COG2: variants seen among roughly 807,000 people sequenced by gnomAD.
The protein encoded by COG2 is component of oligomeric golgi complex 2.
A neutral mutation model predicts 90.6 loss-of-function variants in COG2; 52 were observed. That is an observed-to-expected ratio of 0.57 (90% CI 0.46 to 0.72). The LOEUF (loss-of-function observed/expected upper bound fraction) is 0.72. Ranked by LOEUF, COG2 falls within the 30% of genes least tolerant of loss-of-function variation. The probability of loss-of-function intolerance (pLI) is 0.00; values close to 1 mark genes in which losing one functional copy is unlikely to be tolerated. For missense variants in COG2, 829 were observed against 891.2 expected (o/e 0.93, Z 0.89); for synonymous variants, 337 against 320.4 (o/e 1.05, Z -0.55).
At chr1:230,678,547 T>C (rs1662654910) in intron 9 of COG2, 3 of 1,170,700 alleles carry the variant, frequency 2.6e-6, no homozygotes, top group Admixed American at 8.1e-5. Context: ...TTTCTCCTTC[T>C]TTCTCCTTTG....
At chr1:230,666,528 G>A (rs1385138766) in intron 5 of COG2, among the ~76,000 whole-genome samples, 1 of 152,066 alleles carries the variant, frequency 6.6e-6, no homozygotes, top group Non-Finnish European at 1.5e-5. Context: ...CTATGTGATT[G>A]GGAAACAATG....
Position 230,642,630 on chromosome 1 carries a change from G to T in COG2, c.24G>T (p.Leu8=). 1.2e-6 allele frequency: 2 copies of T among 1,613,214 alleles called. No homozygotes were observed. Among genetic ancestry groups the T allele is most frequent in the Non-Finnish European group, 8.5e-7 (1 of 1,179,632 alleles). The change falls in exon 1 of 18, where the codon CTG becomes CTT. Residue 8 remains leucine, a synonymous_variant. Coordinates refer to ENST00000366669, the MANE Select transcript of COG2 (RefSeq NM_007357.3). ...GGATGGAGAAAAGTAGGATGAACCT[G>T]CCCAAGGGGCCGGACACGCTCTGCT... MEKSRMN[L]PKGPDTLCFD...
At position 230,693,487 on chromosome 1, in the gene COG2, CCGTCTGTAGCAAA is replaced by C; in HGVS notation, c.*95_*107del. 1.4e-6 allele frequency: 1 copy of C among 725,058 alleles called. No individual in the cohort carries two copies. The allele number at this position is 725,058 out of a possible 1,614,324, so 44.9% of individuals were successfully genotyped here. On this transcript the variant is annotated 3_prime_UTR_variant, in exon 18 of 18. Transcript: ENST00000366669. ...GAAAGTGACTCTGTTCTCTTAGCAA[CCGTCTGTAGCAAA>C]GAAGTGCTTCCAGCATCACTCCAGC...
intron 9 of COG2, chr1:230,678,374 A>T (rs1337573808): frequency 2.0e-6 from 2 of 985,402 alleles, no homozygotes. Flanking sequence ...AAATAAGACA[A>T]TTCTAATCAC....
At chr1:230,690,488 C>A (rs1165628393) in intron 16 of COG2, among the ~76,000 whole-genome samples, 8 of 152,206 alleles carry the variant, frequency 5.3e-5, no homozygotes, top group Admixed American at 2.0e-4. Flanking sequence ...GTTACTCAGA[C>A]CCTGTCAGTC....
At chr1:230,666,362 C>T (rs1662323364) in intron 5 of COG2, among the ~76,000 whole-genome samples, 1 of 152,158 alleles carries the variant, frequency 6.6e-6, no homozygotes, top group Non-Finnish European at 1.5e-5. Context: ...CTCTGCTGCT[C>T]TAGTGTCTCT....
chr1:230,671,404 GGTGA>G, intron 7 of COG2, 108 bp from the exon 8 acceptor site: 1 of 837,494 alleles, frequency 1.2e-6, no homozygotes, highest in East Asian at 2.8e-5. Context: ...CAGGGAGGAG[GGTGA>G]GTGTGAGGAA....
chr1:230,644,290 T>G (rs888115207), intron 1 of COG2, among the ~76,000 whole-genome samples: 4 of 152,226 alleles, frequency 2.6e-5, no homozygotes, highest in African/African-American at 7.2e-5. Context: ...ATAGAACAGC[T>G]GTTCTGTGTA....
At position 230,685,155 on chromosome 1, in the gene COG2, G is replaced by A. The variant is rs1370758959; in HGVS notation, c.1299G>A (p.Glu433=). ...GCCTTAGGAGGTGTTGGTCAGATGA[G>A]ATGTTCTTGCCATTACTGGTGCATC... ...WSSLRRCWSD[E]MFLPLLVHRL... is the part of the protein sequence containing the mutation. Residue 433 remains glutamate, a synonymous_variant, in exon 12 of 18, where the codon GAG becomes GAA. Transcript: ENST00000366669. 3 of 1,614,176 alleles carry A rather than the reference G, an allele frequency of 1.9e-6. No individual in the cohort carries two copies. Among genetic ancestry groups the A allele is most frequent in the Non-Finnish European group, 1.7e-6 (2 of 1,180,028 alleles).
intron 4 of COG2, among the ~76,000 whole-genome samples, chr1:230,664,028 A>G (rs1162124495): frequency 1.3e-5 from 2 of 152,068 alleles, no homozygotes; most frequent in East Asian, 3.9e-4. Flanking sequence ...CTTTACAAAT[A>G]ATACAAAAAA....
chr1:230,688,110 A>G lies in COG2; in HGVS notation c.1618A>G (p.Met540Val), dbSNP rs1662927298. ...GGAAATAATCAAGCCAAAACTTGAAATGATTGGCTTTAAGAATTTTTCTTC... is the reference window on the plus strand; with the variant it reads ...GGAAATAATCAAGCCAAAACTTGAAGTGATTGGCTTTAAGAATTTTTCTTC... ...LLEIIKPKLE[M>V]IGFKNFSSIS... Residue 540 changes from methionine to valine, a missense_variant, in exon 14 of 18, where the codon ATG (methionine) becomes GTG (valine). Met to Val is a conservative substitution (Grantham distance 21). Coordinates refer to ENST00000366669, the MANE Select transcript of COG2 (RefSeq NM_007357.3). 1 of 1,601,770 alleles carries G rather than the reference A, an allele frequency of 6.2e-7. No individual in the cohort carries two copies. Among genetic ancestry groups the G allele is most frequent in the African/African-American group, 1.3e-5 (1 of 74,378 alleles).
chr1:230,681,557 A>G (rs1248449781), intron 10 of COG2: 1 of 152,184 alleles, frequency 6.6e-6, no homozygotes, highest in Non-Finnish European at 1.5e-5. Flanking sequence ...ATTATTGTAG[A>G]CCTGTGATGT....
chr1:230,670,228 A>G (rs748866318), intron 7 of COG2: 4 of 152,220 alleles, frequency 2.6e-5, no homozygotes, highest in Non-Finnish European at 5.9e-5. Flanking sequence ...TGTGCCATAT[A>G]AAGTTGCTGA....
At chr1:230,646,569 AG>A (rs1458897896) in intron 1 of COG2, among the ~76,000 whole-genome samples, 3 of 152,086 alleles carry the variant, frequency 2.0e-5, no homozygotes, top group African/African-American at 7.2e-5. Flanking sequence ...GACAGGTGAA[AG>A]GTTCATACTT....
chr1:230,663,250 G>T, intron 4 of COG2, 29 bp downstream of exon 4: 1 of 1,568,684 alleles, frequency 6.4e-7, no homozygotes, highest in Non-Finnish European at 8.7e-7. Context: ...ATATTAAATC[G>T]TTGATTCACT....
intron 8 of COG2, among the ~76,000 whole-genome samples, chr1:230,674,629 A>T (rs16852201): frequency 0.042 from 6,367 of 152,304 alleles, 251 homozygotes; most frequent in East Asian, 0.16. Context: ...GTGTTCAGTA[A>T]TGTGAAGGTT....
rs1662005362 is a variant in COG2, at chr1:230,654,613, CTT to C, written c.73-4847_73-4846del. ...CTATGCGAGCTCTTCTTTGAGAAGACTTTTTCCAATTCTGTGAAAAAAGTCAA... is the reference window on the plus strand; with the variant it reads ...CTATGCGAGCTCTTCTTTGAGAAGACTTTCCAATTCTGTGAAAAAAGTCAA... On this transcript the variant is annotated intron_variant, in intron 1 of 17. Transcript: ENST00000366669. Among the ~76,000 whole-genome samples, 11 of 149,426 alleles carry C rather than the reference CTT, an allele frequency of 7.4e-5. No individual in the cohort carries two copies. The South Asian group carries it at 2.3e-3, about 31-fold the overall frequency.
intron 3 of COG2, chr1:230,661,469 C>A (rs1367139115): frequency 1.3e-5 from 2 of 152,210 alleles, no homozygotes; most frequent in East Asian, 3.9e-4. Context: ...TGGTCCACCC[C>A]ACAGTCTGTG....
At chr1:230,661,524 C>CA (rs1316242205) in intron 3 of COG2, 1 of 152,248 alleles carries the variant, frequency 6.6e-6, no homozygotes, top group Non-Finnish European at 1.5e-5. Context: ...GATGAACTGT[C>CA]ATAAACTTCG....
Sources: gnomAD v4.1 joint callset for allele counts (sites outside exome capture counted in the v4.1 genomes callset) on GRCh38, gnomAD v4.1.1 for gene constraint, MANE v1.5 for transcripts, NCBI Gene and HGNC (gene_info 2026-07-23, HGNC 2026-07-21) for gene names.